Variants in LHFPL6 observed in about 807,000 individuals in gnomAD.
LHFPL6 encodes the protein LHFPL tetraspan subfamily member 6.
A neutral mutation model predicts 20.6 loss-of-function variants in LHFPL6; 9 were observed. That is an observed-to-expected ratio of 0.44 (90% CI 0.26 to 0.76). The LOEUF is 0.76. Ranked by LOEUF, LHFPL6 falls within the 30% of genes least tolerant of loss-of-function variation. The pLI, the probability that LHFPL6 is intolerant of heterozygous loss-of-function variation, is 0.20. For synonymous variants in LHFPL6, 105 were observed against 98.7 expected, an observed-to-expected ratio of 1.06 and a Z score of -0.38; for missense variants, 218 against 253.5, an observed-to-expected ratio of 0.86 and a Z score of 0.95.
chr13:39,411,070 C>T (rs1474909636), intron 2 of LHFPL6, among the ~76,000 whole-genome samples: 1 of 152,140 alleles, frequency 6.6e-6, no homozygotes, highest in Non-Finnish European at 1.5e-5. Context: ...TATTTTGCTG[C>T]CTATAATAAA....
intron 2 of LHFPL6, among the ~76,000 whole-genome samples, chr13:39,510,045 G>A (rs1869634288): frequency 6.6e-6 from 1 of 152,200 alleles, no homozygotes; most frequent in Non-Finnish European, 1.5e-5. Flanking sequence ...GAAACTCACG[G>A]TGCTCAAAGA....
chr13:39,489,555 T>G (rs1868843834), intron 2 of LHFPL6, among the ~76,000 whole-genome samples: 2 of 151,340 alleles, frequency 1.3e-5, no homozygotes, highest in South Asian at 4.2e-4. Context: ...CTGTGGCTTT[T>G]TTTTTGGAGG....
chr13:39,477,208 C>T (rs996980204), intron 2 of LHFPL6, among the ~76,000 whole-genome samples: 1 of 152,090 alleles, frequency 6.6e-6, no homozygotes, highest in African/African-American at 2.4e-5. Context: ...TGCCCAGACT[C>T]CTCCTTCGTG....
At chr13:39,437,799 G>A (rs531778050) in intron 2 of LHFPL6, among the ~76,000 whole-genome samples, 1 of 152,136 alleles carries the variant, frequency 6.6e-6, no homozygotes, top group African/African-American at 2.4e-5. Context: ...CTACTTGGGA[G>A]GCCGAGGCAG....
At chr13:39,475,661 C>T (rs1873068534) in intron 2 of LHFPL6, among the ~76,000 whole-genome samples, 1 of 152,136 alleles carries the variant, frequency 6.6e-6, no homozygotes, top group Admixed American at 6.5e-5. Flanking sequence ...CCCACATTCT[C>T]ATTAGCACCA....
chr13:39,558,905 T>C (rs1871388913), intron 2 of LHFPL6, among the ~76,000 whole-genome samples: 1 of 152,218 alleles, frequency 6.6e-6, no homozygotes, highest in Non-Finnish European at 1.5e-5. Context: ...ATGATGAATA[T>C]CGTTAGAAAA....
intron 2 of LHFPL6, among the ~76,000 whole-genome samples, chr13:39,389,587 C>A (rs1399654361): frequency 6.6e-6 from 1 of 151,986 alleles, no homozygotes; most frequent in African/African-American, 2.4e-5. Context: ...TCTCTCAGGG[C>A]CAGTGTGAAC....
chr13:39,520,035 G>A (rs930548825), intron 2 of LHFPL6, among the ~76,000 whole-genome samples: 11 of 152,198 alleles, frequency 7.2e-5, no homozygotes, highest in African/African-American at 2.7e-4. Flanking sequence ...GAAGTGGGAT[G>A]TTTCAGGATC....
At chr13:39,439,206 A>G (rs1339817252) in intron 2 of LHFPL6, among the ~76,000 whole-genome samples, 2 of 152,256 alleles carry the variant, frequency 1.3e-5, no homozygotes, top group Non-Finnish European at 2.9e-5. Context: ...CCTGGATGTG[A>G]GACATGCAGT....
At chr13:39,439,463 T>C (rs909305761) in intron 2 of LHFPL6, among the ~76,000 whole-genome samples, 1 of 151,898 alleles carries the variant, frequency 6.6e-6, no homozygotes, top group African/African-American at 2.4e-5. Context: ...CTGGAATGAG[T>C]TGAGACTTTG....
intron 2 of LHFPL6, among the ~76,000 whole-genome samples, chr13:39,587,590 A>G (rs1440056200): frequency 6.6e-6 from 1 of 152,140 alleles, no homozygotes; most frequent in African/African-American, 2.4e-5. Flanking sequence ...ATGAATTTGA[A>G]TTATGTATTG....
intron 2 of LHFPL6, among the ~76,000 whole-genome samples, chr13:39,472,677 C>T (rs1383268520): frequency 1.3e-5 from 2 of 152,150 alleles, no homozygotes; most frequent in South Asian, 4.2e-4. Flanking sequence ...GATGCAATCT[C>T]GGCTCACTGG....
chr13:39,487,551 CT>C (rs1430467904), intron 2 of LHFPL6, among the ~76,000 whole-genome samples: 1 of 152,220 alleles, frequency 6.6e-6, no homozygotes, highest in Admixed American at 6.5e-5. Context: ...ATTAATCATA[CT>C]GAGCTTTGAA....
Position 39,360,209 on chromosome 13 carries a change from C to T in LHFPL6, c.485-16155G>A, listed in dbSNP as rs1348181709. On this transcript the variant is annotated intron_variant, in intron 3 of 3. Coordinates refer to ENST00000379589, the MANE Select transcript of LHFPL6 (RefSeq NM_005780.3). Reference sequence around the variant, plus strand: ...CTAATTTTTGTATTTTTAGTAGAGACAGAGTTTCACTGTGTTAGCCAGGAT... The same window carrying T: ...CTAATTTTTGTATTTTTAGTAGAGATAGAGTTTCACTGTGTTAGCCAGGAT... 2.1e-5 allele frequency among the ~76,000 whole-genome samples: 2 copies of T among 96,598 alleles called. 1 individual carries two copies. The highest frequency in any genetic ancestry group is 7.5e-4 in the East Asian group (2 of 2,666). 63.4% of individuals were successfully genotyped at this position (96,598 alleles called of 152,430 possible).
At chr13:39,570,148 T>G (rs1871868403) in intron 2 of LHFPL6, among the ~76,000 whole-genome samples, 1 of 152,188 alleles carries the variant, frequency 6.6e-6, no homozygotes, top group African/African-American at 2.4e-5. Flanking sequence ...TTTATTGTAT[T>G]TATTTATTTT....
intron 2 of LHFPL6, among the ~76,000 whole-genome samples, chr13:39,387,215 T>C (rs529989403): frequency 6.6e-6 from 1 of 152,170 alleles, no homozygotes; most frequent in African/African-American, 2.4e-5. Context: ...TGTATTTTTG[T>C]ACACACATGT....
chr13:39,451,888 A>G lies in LHFPL6; in HGVS notation c.386-73362T>C, dbSNP rs577848041. Reference sequence around the variant, plus strand: ...AAAAATCCTATCTAAGCATAGTAATAAAACTATAGAAAGCAGAAGTGTAAA... The same window carrying G: ...AAAAATCCTATCTAAGCATAGTAATGAAACTATAGAAAGCAGAAGTGTAAA... On this transcript the variant is annotated intron_variant, in intron 2 of 3. Transcript: ENST00000379589. Among the ~76,000 whole-genome samples, 38 of 152,310 alleles carry G rather than the reference A, an allele frequency of 2.5e-4. 1 individual carries two copies. In the South Asian group the frequency reaches 7.9e-3, roughly 32 times the overall value.
Position 39,558,590 on chromosome 13 carries a change from G to T in LHFPL6, c.385+42242C>A, listed in dbSNP as rs562135050. Among the ~76,000 whole-genome samples the T allele has an allele frequency of 3.9e-5, 6 of 152,246 alleles. No homozygotes were observed. The South Asian group carries it at 1.0e-3, about 26-fold the overall frequency. On this transcript the variant is annotated intron_variant, in intron 2 of 3. Coordinates refer to ENST00000379589, the MANE Select transcript of LHFPL6 (RefSeq NM_005780.3). ...TCTGCTTACCAGATGACACGATGAT[G>T]ATATCATTTTTAAAAGGCCACTACA...
chr13:39,571,398 T>C (rs1248854785), intron 2 of LHFPL6, among the ~76,000 whole-genome samples: 2 of 152,196 alleles, frequency 1.3e-5, no homozygotes, highest in Non-Finnish European at 2.9e-5. Context: ...TGTCTTTGCC[T>C]CAACCTTTTG....
Sources: gnomAD v4.1 joint callset for allele counts (sites outside exome capture counted in the v4.1 genomes callset) on GRCh38, gnomAD v4.1.1 for gene constraint, MANE v1.5 for transcripts, NCBI Gene and HGNC (gene_info 2026-07-23, HGNC 2026-07-21) for gene names.